MELK: variants seen among roughly 807,000 people sequenced by gnomAD.
The protein encoded by MELK is pEg3 kinase.
MELK carries 81 observed loss-of-function variants against 85.0 expected under a neutral mutation model. That is an observed-to-expected ratio of 0.95 (90% CI 0.80 to 1.15). The LOEUF (loss-of-function observed/expected upper bound fraction) is 1.15. Among genes scored for constraint, MELK ranks in the 50% most tolerant of loss-of-function variants. The pLI is 0.00. For synonymous variants in MELK, 252 were observed against 265.0 expected, an observed-to-expected ratio of 0.95 and a Z score of 0.48; for missense variants, 754 against 777.5, an observed-to-expected ratio of 0.97 and a Z score of 0.36.
At chr9:36,636,790 G>GTCTGTCTGTCTGTCTT (rs1475022442) in intron 10 of MELK, among the ~76,000 whole-genome samples, 10 of 67,698 alleles carry the variant, frequency 1.5e-4, no homozygotes, top group East Asian at 9.1e-4. Context: ...CTTTCTGTCT[G>GTCTGTCTGTCTGTCTT]TCTTTCTTTC....
chr9:36,661,130 C>T (rs530420698), intron 13 of MELK, among the ~76,000 whole-genome samples: 5 of 152,266 alleles, frequency 3.3e-5, no homozygotes, highest in African/African-American at 7.2e-5. Flanking sequence ...CCCCCTCCAG[C>T]GGCTCCTAGG....
chr9:36,607,976 T>C (rs1825717956), intron 8 of MELK, among the ~76,000 whole-genome samples: 1 of 152,026 alleles, frequency 6.6e-6, no homozygotes, highest in African/African-American at 2.4e-5. Context: ...AGTAAGATAT[T>C]TTGAGAGAAA....
intron 13 of MELK, among the ~76,000 whole-genome samples, chr9:36,660,320 A>T (rs1284672034): frequency 2.0e-5 from 3 of 151,394 alleles, no homozygotes; most frequent in South Asian, 2.1e-4. Context: ...TTGCCTGTAA[A>T]TTTTTTTTTG....
intron 12 of MELK, among the ~76,000 whole-genome samples, chr9:36,652,186 G>T (rs940370935): frequency 6.6e-6 from 1 of 150,818 alleles, no homozygotes; most frequent in Non-Finnish European, 1.5e-5. Flanking sequence ...AGCTGGAATT[G>T]CAGGTGTGCA....
rs191282212 is a variant in MELK, at chr9:36,593,563, C to A, written c.262-1065C>A. ...TTTCTGTTGTTTATAAATTACCCAG[C>A]GTAAGGTATTTTGTTATAGCAGCCC... On this transcript the variant is annotated intron_variant, in intron 4 of 17. Transcript: ENST00000298048. Among the ~76,000 whole-genome samples, 21 of 152,256 alleles carry A rather than the reference C, an allele frequency of 1.4e-4. No individual in the cohort carries two copies. In the East Asian group the frequency reaches 3.7e-3, roughly 27 times the overall value.
chr9:36,615,071 A>ACCC (rs1321109637), intron 8 of MELK, among the ~76,000 whole-genome samples: 9 of 60,456 alleles, frequency 1.5e-4, no homozygotes, highest in African/African-American at 9.9e-4. Flanking sequence ...GGGGGGGCTG[A>ACCC]CCCCCCCCCC....
intron 13 of MELK, among the ~76,000 whole-genome samples, chr9:36,660,820 C>T (rs931593789): frequency 4.6e-5 from 7 of 151,718 alleles, no homozygotes; most frequent in South Asian, 2.1e-4. Flanking sequence ...GGAGAAACCC[C>T]GTCTCTACTA....
At chr9:36,605,620 A>T (rs888073826) in intron 7 of MELK, among the ~76,000 whole-genome samples, 5 of 151,986 alleles carry the variant, frequency 3.3e-5, no homozygotes, top group African/African-American at 1.2e-4. Flanking sequence ...ACCTCCTGCA[A>T]CTTGGAAGAG....
chr9:36,665,470 G>C lies in MELK; in HGVS notation c.1297G>C (p.Val433Leu). 6.2e-7 allele frequency: 1 copy of C among 1,613,364 alleles called. No individual in the cohort carries two copies. The highest frequency in any genetic ancestry group is 8.5e-7 in the Non-Finnish European group (1 of 1,179,412). The stretch of plus-strand genomic sequence containing the variant: ...AAATGTATATACTCCTAAGTCTGCT[G>C]TAAAGAATGAAGAGTACTTTATGTT... ...KENVYTPKSAVKNEEYFMFPE... is the reference protein window; with the variant it reads ...KENVYTPKSALKNEEYFMFPE... Residue 433 changes from valine (V) to leucine (L), a missense_variant, in exon 14 of 18, where the codon GTA (valine) becomes CTA (leucine). Coordinates refer to ENST00000298048, the MANE Select transcript of MELK (RefSeq NM_014791.4).
intron 13 of MELK, among the ~76,000 whole-genome samples, chr9:36,663,302 T>C (rs182368986): frequency 1.3e-5 from 2 of 152,140 alleles, no homozygotes; most frequent in East Asian, 1.9e-4. Context: ...GCTGGTCTTG[T>C]ACTCCTGACC....
chr9:36,594,669 G>T lies in MELK; in HGVS notation c.303G>T (p.Gln101His). Residue 101 changes from glutamine to histidine, a missense_variant, in exon 5 of 18, where the codon CAG (glutamine) becomes CAT (histidine). Coordinates refer to ENST00000298048, the MANE Select transcript of MELK (RefSeq NM_014791.4). ...AGCTGTTTGACTATATAATTTCCCA[G>T]GATCGCCTGTCAGAAGAGGAGACCC... Reference protein sequence around the residue: ...GGELFDYIISQDRLSEEETRV... With the variant: ...GGELFDYIISHDRLSEEETRV... 2 of 1,613,996 alleles carry T rather than the reference G, an allele frequency of 1.2e-6. No homozygotes were observed. Among genetic ancestry groups the T allele is most frequent in the Non-Finnish European group, 1.7e-6 (2 of 1,179,992 alleles).
At chr9:36,642,142 A>T (rs1400956725) in intron 10 of MELK, among the ~76,000 whole-genome samples, 1 of 152,182 alleles carries the variant, frequency 6.6e-6, no homozygotes, top group Non-Finnish European at 1.5e-5. Context: ...TGAATTTTGT[A>T]TAGAGGCTCT....
intron 8 of MELK, among the ~76,000 whole-genome samples, chr9:36,612,842 A>G (rs147713393): frequency 6.6e-6 from 1 of 152,206 alleles, no homozygotes; most frequent in Non-Finnish European, 1.5e-5. Context: ...GAGCTTGACA[A>G]TTTTTTTGTG....
chr9:36,655,012 G>A (rs1012249234), intron 12 of MELK, among the ~76,000 whole-genome samples: 3 of 152,006 alleles, frequency 2.0e-5, no homozygotes, highest in Non-Finnish European at 2.9e-5. Flanking sequence ...AATCATGATC[G>A]ATCAATCAAT....
rs115333720 is a variant in MELK at position 36,598,006 on chromosome 9, C to T, written c.474+716C>T. On this transcript the variant is annotated intron_variant, in intron 6 of 17. Coordinates refer to ENST00000298048, the MANE Select transcript of MELK (RefSeq NM_014791.4). ...GAATGTTGAAATTGCAGACTTGTCT[C>T]GGGCTTTGGTAATCCCATAACTGTT... 3.1e-3 allele frequency among the ~76,000 whole-genome samples: 472 copies of T among 152,288 alleles called. 5 individuals are homozygous for T. Among genetic ancestry groups the T allele is most frequent in the Middle Eastern group, 0.014 (4 of 294 alleles).
intron 3 of MELK, among the ~76,000 whole-genome samples, chr9:36,584,340 C>T (rs377432087): frequency 1.7e-3 from 206 of 124,598 alleles, no homozygotes; most frequent in African/African-American, 6.0e-3. Flanking sequence ...TTTTTTGAGA[C>T]GGAGTTTTGC....
chr9:36,586,505 GT>G (rs956787877), intron 3 of MELK, among the ~76,000 whole-genome samples: 1 of 151,934 alleles, frequency 6.6e-6, no homozygotes, highest in African/African-American at 2.4e-5. Flanking sequence ...CTTTCCTCCA[GT>G]TTTTTTGTTT....
At chr9:36,596,154 C>T (rs1461882976) in intron 5 of MELK, among the ~76,000 whole-genome samples, 3 of 151,734 alleles carry the variant, frequency 2.0e-5, no homozygotes, top group Non-Finnish European at 2.9e-5. Context: ...CTGAACTCGT[C>T]GATTTCAACT....
intron 8 of MELK, among the ~76,000 whole-genome samples, chr9:36,611,799 C>T (rs1463884678): frequency 5.7e-5 from 8 of 141,328 alleles, no homozygotes; most frequent in Admixed American, 4.8e-4. Flanking sequence ...TTTGAGATGG[C>T]GTCTCGTGCT....
Sources: gnomAD v4.1 joint callset for allele counts (sites outside exome capture counted in the v4.1 genomes callset) on GRCh38, gnomAD v4.1.1 for gene constraint, MANE v1.5 for transcripts, NCBI Gene and HGNC (gene_info 2026-07-23, HGNC 2026-07-21) for gene names.